The following FBN2 variants were observed in gnomAD, a reference collection of about 807,000 sequenced individuals.
FBN2 encodes fibrillin-2.
FBN2 carries 105 observed loss-of-function variants against 355.6 expected under a neutral mutation model. The ratio of observed to expected loss-of-function variants is 0.30; its 90% CI spans 0.25 to 0.35. The LOEUF is 0.35. Among genes scored for constraint, FBN2 ranks in the 10% least tolerant of loss-of-function variants. The pLI, the probability that FBN2 is intolerant of heterozygous loss-of-function variation, is 1.00. For synonymous variants in FBN2, 1,350 were observed against 1,301.2 expected (o/e 1.04, Z -0.81); for missense variants, 3,280 against 3,758.7 (o/e 0.87, Z 3.33).
rs201247200 is a variant in FBN2 at position 128,530,599 on chromosome 5, T to C, written c.432A>G (p.Lys144=). Residue 144 remains lysine (K), a synonymous_variant, in exon 3 of 65, where the codon AAA becomes AAG. Transcript: ENST00000262464. The part of the protein sequence containing the change: ...SGQISSTCGS[K]SIQQCSVRCM... ...GGCCACAAGTAAGAAACATACTTGA[T>C]TTTGATCCACAGGTTGATGATATTT... The C allele has an allele frequency of 8.1e-6, 13 of 1,607,576 alleles. No homozygotes were observed. The Admixed American group carries it at 2.2e-4, about 27-fold the overall frequency.
intron 8 of FBN2, among the ~76,000 whole-genome samples, chr5:128,400,826 T>C (rs1752779512): frequency 1.3e-5 from 2 of 152,186 alleles, no homozygotes; most frequent in Non-Finnish European, 2.9e-5. Flanking sequence ...TTTGGTTGTG[T>C]CCCCACCCAA....
chr5:128,302,015 A>G (rs892582393), intron 46 of FBN2, among the ~76,000 whole-genome samples: 2 of 152,214 alleles, frequency 1.3e-5, no homozygotes, highest in African/African-American at 4.8e-5. Context: ...GACATTAAGT[A>G]TTAAGTTTTC....
Position 128,464,977 on chromosome 5 carries a change from A to T in FBN2, c.629-56T>A. ...TTTTATGATCATATACTAATCTTAT[A>T]CCAGTGCCTCCAAATGCATAAAACA... On this transcript the variant is annotated intron_variant, in intron 5 of 64. Transcript: ENST00000262464. The T allele has an allele frequency of 3.3e-6, 5 of 1,508,186 alleles. No individual in the cohort carries two copies. The South Asian group carries it at 5.6e-5, about 17-fold the overall frequency. The allele number at this position is 1,508,186 out of a possible 1,614,324, so 93.4% of individuals were successfully genotyped here. A position where few individuals can be genotyped will look rare whatever the true frequency, so the allele number is the denominator to read the frequency against.
At chr5:128,359,655 T>A (rs772607271) in intron 19 of FBN2, among the ~76,000 whole-genome samples, 69 of 152,112 alleles carry the variant, frequency 4.5e-4, no homozygotes, top group Non-Finnish European at 2.4e-4. Context: ...TGTTTTTACA[T>A]TAAATAAATC....
intron 7 of FBN2, among the ~76,000 whole-genome samples, chr5:128,427,667 C>T (rs1177000759): frequency 6.6e-6 from 1 of 152,190 alleles, no homozygotes; most frequent in Non-Finnish European, 1.5e-5. Flanking sequence ...TCAAGATACC[C>T]AGCCTCTTTC....
intron 34 of FBN2, among the ~76,000 whole-genome samples, chr5:128,319,307 A>G (rs1029041316): frequency 1.9e-4 from 29 of 152,236 alleles, no homozygotes; most frequent in Non-Finnish European, 3.2e-4. Flanking sequence ...AATTAAATAT[A>G]AACATGTCAA....
intron 51 of FBN2, 78 bp downstream of exon 51, chr5:128,289,804 G>C (rs1581191046): frequency 1.2e-6 from 1 of 853,518 alleles, no homozygotes; most frequent in Non-Finnish European, 2.0e-6. Context: ...AGTAAAGTTA[G>C]CATGAGTTAT....
At chr5:128,317,828 C>G (rs1317880658) in intron 36 of FBN2, among the ~76,000 whole-genome samples, 1 of 152,142 alleles carries the variant, frequency 6.6e-6, no homozygotes, top group Admixed American at 6.5e-5. Context: ...GATATTCTAA[C>G]AGCTATACCA....
At chr5:128,373,165 A>T (rs540187149) in intron 15 of FBN2, among the ~76,000 whole-genome samples, 34 of 152,310 alleles carry the variant, frequency 2.2e-4, no homozygotes, top group Non-Finnish European at 4.4e-4. Flanking sequence ...TGTTTTACTG[A>T]ATTCCTAGCA....
chr5:128,434,252 C>A (rs1413419226), intron 7 of FBN2, among the ~76,000 whole-genome samples: 2 of 151,206 alleles, frequency 1.3e-5, no homozygotes, highest in Non-Finnish European at 2.9e-5. Context: ...GAAAGAAAGA[C>A]AATTCAAGCA....
intron 6 of FBN2, among the ~76,000 whole-genome samples, chr5:128,453,359 C>T (rs1267494912): frequency 6.6e-6 from 1 of 152,134 alleles, no homozygotes; most frequent in African/African-American, 2.4e-5. Context: ...GCTTACTTTC[C>T]AAGAATATCT....
In FBN2 at chr5:128,269,212, C is replaced by T. The variant is rs1353015924; in HGVS notation, c.7960+2787G>A. 5.3e-5 allele frequency among the ~76,000 whole-genome samples: 8 copies of T among 150,262 alleles called. No individual in the cohort carries two copies. The South Asian group carries it at 1.1e-3, about 20-fold the overall frequency. The stretch of plus-strand genomic sequence containing the variant: ...GGTGGATCACTTGAGGCCAGGAGTT[C>T]GAAACCAGCCTGGCCAACATGGTGA... On this transcript the variant is annotated intron_variant, in intron 62 of 64. Coordinates refer to ENST00000262464, the MANE Select transcript of FBN2 (RefSeq NM_001999.4).
chr5:128,407,662 T>C (rs1752963398), intron 8 of FBN2, among the ~76,000 whole-genome samples: 1 of 152,250 alleles, frequency 6.6e-6, no homozygotes, highest in African/African-American at 2.4e-5. Context: ...TTATGTTCAC[T>C]GCTGGATGAC....
At chr5:128,277,750 TG>T in intron 58 of FBN2, 129 bp downstream of exon 58, 1 of 1,070,006 alleles carries the variant, frequency 9.3e-7, no homozygotes, top group African/African-American at 1.6e-5. Flanking sequence ...ATTGAGAGGA[TG>T]GCAACATTTT....
At chr5:128,337,607 C>T (rs748859256) in intron 27 of FBN2, among the ~76,000 whole-genome samples, 3 of 152,166 alleles carry the variant, frequency 2.0e-5, no homozygotes, top group African/African-American at 2.4e-5. Context: ...ATGTGCAAGC[C>T]GATCGTGAGC....
intron 45 of FBN2, 124 bp downstream of exon 45, chr5:128,304,833 G>A (rs1749822216): frequency 2.4e-6 from 3 of 1,237,698 alleles, no homozygotes; most frequent in Non-Finnish European, 3.6e-6. Context: ...GTTTGACCTA[G>A]TTAATTTTTT....
In FBN2 at chr5:128,273,953, C is replaced by A. The variant is rs572453085; in HGVS notation, c.7727G>T (p.Gly2576Val). 7.4e-6 allele frequency: 12 copies of A among 1,613,884 alleles called. No individual in the cohort carries two copies. Among genetic ancestry groups the A allele is most frequent in the Non-Finnish European group, 1.0e-5 (12 of 1,179,900 alleles). ...TGCTCCACAAAGCGAAGGTTGAGACCCACATTCGTTGTTGTCTGGCAAAGC... is the reference window on the plus strand; with the variant it reads ...TGCTCCACAAAGCGAAGGTTGAGACACACATTCGTTGTTGTCTGGCAAAGC... ...HTACIDNNEC[G>V]SQPSLCGAKG... Residue 2576 changes from glycine (G) to valine (V), a missense_variant, in exon 61 of 65, where the codon GGG (glycine) becomes GTG (valine). By Grantham distance (109) the Gly-to-Val change is moderately radical (BLOSUM62 -3). This residue lies in a region of FBN2 where 2,284 missense variants were observed against 2,749.5 expected (regional missense o/e 0.83). Coordinates refer to ENST00000262464, the MANE Select transcript of FBN2 (RefSeq NM_001999.4).
Position 128,519,374 on chromosome 5 carries a change from T to G in FBN2, c.533-6A>C. On this transcript the variant is annotated splice_polypyrimidine_tract_variant and splice_region_variant and intron_variant, in intron 4 of 64. Coordinates refer to ENST00000262464, the MANE Select transcript of FBN2 (RefSeq NM_001999.4). ...ACATCCATTTTCACAGACAGCTGCA[T>G]ACAAAAATAGCAAGAAGCTCATTAT... 1 of 1,612,126 alleles carries G rather than the reference T, an allele frequency of 6.2e-7. No homozygotes were observed.
At chr5:128,481,922 T>A (rs1352726100) in intron 5 of FBN2, among the ~76,000 whole-genome samples, 7 of 152,178 alleles carry the variant, frequency 4.6e-5, no homozygotes, top group Non-Finnish European at 1.0e-4. Flanking sequence ...CGCCTTCATA[T>A]AGAGACAGAA....
Sources: gnomAD v4.1 joint callset for allele counts (sites outside exome capture counted in the v4.1 genomes callset) on GRCh38, gnomAD v4.1.1 for gene constraint, gnomAD v4.1.1 regional missense constraint, MANE v1.5 for transcripts, NCBI Gene and HGNC (gene_info 2026-07-23, HGNC 2026-07-21) for gene names.